ROBO1: variants seen among roughly 807,000 people sequenced by gnomAD.
The protein encoded by ROBO1 is roundabout guidance receptor 1, also known as roundabout homolog 1.
A neutral mutation model predicts 195.9 loss-of-function variants in ROBO1; 149 were observed. That is an observed-to-expected ratio of 0.76 (90% CI 0.67 to 0.87). The LOEUF is 0.87. Among genes scored for constraint, ROBO1 ranks in the 40% least tolerant of loss-of-function variants. The pLI, the probability that ROBO1 is intolerant of heterozygous loss-of-function variation, is 0.00. For synonymous variants in ROBO1, 816 were observed against 733.2 expected, an observed-to-expected ratio of 1.11 and a Z score of -1.82; for missense variants, 1,933 against 2,068.3, an observed-to-expected ratio of 0.93 and a Z score of 1.27.
At chr3:79,159,623 G>T (rs563712679) in intron 2 of ROBO1, among the ~76,000 whole-genome samples, 2 of 152,140 alleles carry the variant, frequency 1.3e-5, no homozygotes, top group East Asian at 1.9e-4. Context: ...GTCTCCAATT[G>T]TCAACTTGCA....
intron 1 of ROBO1, among the ~76,000 whole-genome samples, chr3:79,616,885 C>A (rs911594323): frequency 1.3e-5 from 2 of 152,154 alleles, no homozygotes; most frequent in Admixed American, 1.3e-4. Context: ...TGTGGAGCAG[C>A]AGCATTTCTG....
intron 2 of ROBO1, among the ~76,000 whole-genome samples, chr3:79,484,286 T>C (rs1404217148): frequency 2.6e-5 from 4 of 152,132 alleles, no homozygotes; most frequent in African/African-American, 9.7e-5. Flanking sequence ...TCTAGTCAGT[T>C]TTCAAGAAAA....
intron 2 of ROBO1, among the ~76,000 whole-genome samples, chr3:79,341,476 A>T (rs1307886484): frequency 6.6e-6 from 1 of 151,318 alleles, no homozygotes; most frequent in Non-Finnish European, 1.5e-5. Context: ...TTTTCTATTC[A>T]CTAATTTACC....
intron 3 of ROBO1, among the ~76,000 whole-genome samples, chr3:79,004,478 G>A (rs978185253): frequency 2.6e-5 from 4 of 152,146 alleles, no homozygotes; most frequent in African/African-American, 9.7e-5. Context: ...ACAGATGAGT[G>A]TATGCAATAT....
intron 2 of ROBO1, among the ~76,000 whole-genome samples, chr3:79,576,770 A>T (rs1394463779): frequency 1.3e-5 from 2 of 152,210 alleles, no homozygotes; most frequent in Non-Finnish European, 2.9e-5. Context: ...GTACAAATAG[A>T]AAATGAATTC....
At chr3:79,227,549 A>C (rs1418932746) in intron 2 of ROBO1, among the ~76,000 whole-genome samples, 1 of 152,152 alleles carries the variant, frequency 6.6e-6, no homozygotes, top group African/African-American at 2.4e-5. Context: ...AGCTCAGTGA[A>C]TGTCGTCATT....
intron 4 of ROBO1, among the ~76,000 whole-genome samples, chr3:78,910,396 AC>A (rs2038173741): frequency 6.6e-6 from 1 of 151,838 alleles, no homozygotes; most frequent in Non-Finnish European, 1.5e-5. Context: ...ACTTAGGCTC[AC>A]CCGAGGACTG....
chr3:79,721,200 C>CA (rs2107295060), intron 1 of ROBO1, among the ~76,000 whole-genome samples: 1 of 152,208 alleles, frequency 6.6e-6, no homozygotes, highest in South Asian at 2.1e-4. Context: ...TTGTGGATGC[C>CA]AAGTGAAGAA....
In ROBO1 at chr3:79,303,008, C is replaced by T. The variant is rs889999398; in HGVS notation, c.89-177469G>A. On this transcript the variant is annotated intron_variant, in intron 2 of 30. Coordinates refer to ENST00000464233, the MANE Select transcript of ROBO1 (RefSeq NM_002941.4). ...AAACTAACCAAGAAAGTACATAGCT[C>T]AATTTTAAATATTTATTCATTTGTT... 3.3e-5 allele frequency among the ~76,000 whole-genome samples: 5 copies of T among 152,018 alleles called. No individual in the cohort carries two copies. The East Asian group carries it at 9.6e-4, about 29-fold the overall frequency.
intron 2 of ROBO1, among the ~76,000 whole-genome samples, chr3:79,546,917 C>T (rs1396339465): frequency 6.6e-6 from 1 of 151,996 alleles, no homozygotes; most frequent in Non-Finnish European, 1.5e-5. Context: ...CGCGGTGGCT[C>T]ACGCCTGTAA....
chr3:79,580,609 T>C (rs1196007256), intron 2 of ROBO1, among the ~76,000 whole-genome samples: 3 of 152,134 alleles, frequency 2.0e-5, no homozygotes, highest in South Asian at 2.1e-4. Flanking sequence ...ATTAACTAGA[T>C]GTATATAAGG....
chr3:79,099,920 G>A (rs2108508016), intron 3 of ROBO1, among the ~76,000 whole-genome samples: 1 of 151,882 alleles, frequency 6.6e-6, no homozygotes, highest in East Asian at 1.9e-4. Flanking sequence ...GCCAGGGAAT[G>A]AATTGGAAGG....
intron 25 of ROBO1, among the ~76,000 whole-genome samples, chr3:78,630,515 C>T (rs574140138): frequency 3.3e-5 from 5 of 152,196 alleles, no homozygotes; most frequent in South Asian, 2.1e-4. Flanking sequence ...GTATATTTTA[C>T]GATTTATTCG....
At chr3:78,850,845 T>G (rs979140746) in intron 4 of ROBO1, among the ~76,000 whole-genome samples, 2 of 152,086 alleles carry the variant, frequency 1.3e-5, no homozygotes, top group Admixed American at 6.6e-5. Flanking sequence ...TCACTCTTGT[T>G]GCCCAGGCTG....
chr3:79,274,229 C>T (rs1483550562), intron 2 of ROBO1, among the ~76,000 whole-genome samples: 2 of 151,866 alleles, frequency 1.3e-5, no homozygotes, highest in Non-Finnish European at 2.9e-5. Flanking sequence ...CACCTCAGCA[C>T]ATAAATCATT....
intron 5 of ROBO1, among the ~76,000 whole-genome samples, chr3:78,725,257 C>T (rs1482095891): frequency 6.6e-6 from 1 of 151,990 alleles, no homozygotes; most frequent in East Asian, 1.9e-4. Flanking sequence ...AAAAAATGTC[C>T]CACTGGTCTT....
chr3:79,156,701 CTAAA>C (rs2080865557), intron 2 of ROBO1, among the ~76,000 whole-genome samples: 2 of 151,692 alleles, frequency 1.3e-5, no homozygotes, highest in Admixed American at 1.3e-4. Context: ...CACAAAAAAT[CTAAA>C]TAAATATGCT....
chr3:79,660,057 T>C (rs368554904), intron 1 of ROBO1, among the ~76,000 whole-genome samples: 30 of 151,746 alleles, frequency 2.0e-4, no homozygotes, highest in African/African-American at 7.2e-4. Flanking sequence ...CTGATGTGGG[T>C]TTGCCGTTTT....
chr3:78,872,491 T>A (rs2035611794), intron 4 of ROBO1, among the ~76,000 whole-genome samples: 1 of 152,218 alleles, frequency 6.6e-6, no homozygotes, highest in African/African-American at 2.4e-5. Context: ...CAAAAGAATT[T>A]TTTTTATTGT....
Sources: gnomAD v4.1 joint callset for allele counts (sites outside exome capture counted in the v4.1 genomes callset) on GRCh38, gnomAD v4.1.1 for gene constraint, MANE v1.5 for transcripts, NCBI Gene and HGNC (gene_info 2026-07-23, HGNC 2026-07-21) for gene names.